PPP6R3: variants seen among roughly 807,000 people sequenced by gnomAD.
PPP6R3 encodes the protein serine/threonine-protein phosphatase 6 regulatory subunit 3.
PPP6R3 carries 38 observed loss-of-function variants against 110.7 expected under a neutral mutation model. The ratio of observed to expected loss-of-function variants is 0.34; its 90% CI spans 0.26 to 0.45. The LOEUF (loss-of-function observed/expected upper bound fraction) is 0.45, where lower values mean the gene tolerates loss of function less well. Ranked by LOEUF, PPP6R3 falls within the 20% of genes least tolerant of loss-of-function variation. The probability of loss-of-function intolerance (pLI) is 1.00; values close to 1 mark genes in which losing one functional copy is unlikely to be tolerated. For missense variants in PPP6R3, 870 were observed against 1,062.4 expected, an observed-to-expected ratio of 0.82 and a Z score of 2.52; for synonymous variants, 369 against 373.5, an observed-to-expected ratio of 0.99 and a Z score of 0.14.
At chr11:68,478,354 T>C (rs2098852367) in intron 1 of PPP6R3, among the ~76,000 whole-genome samples, 1 of 152,220 alleles carries the variant, frequency 6.6e-6, no homozygotes, top group Non-Finnish European at 1.5e-5. Context: ...GTTAAGAATT[T>C]TAAACCTTCC....
At chr11:68,594,285 AGAGAGAG>A (rs1400988393) in intron 18 of PPP6R3, among the ~76,000 whole-genome samples, 29 of 146,604 alleles carry the variant, frequency 2.0e-4, no homozygotes, top group African/African-American at 5.1e-4. Context: ...AGAGAGAGAG[AGAGAGAG>A]GAGAGAGGAG....
chr11:68,483,576 A>G (rs1483120200), intron 1 of PPP6R3, among the ~76,000 whole-genome samples: 2 of 151,950 alleles, frequency 1.3e-5, no homozygotes, highest in African/African-American at 2.4e-5. Flanking sequence ...TCCGCCTCTC[A>G]GGTTCGAGTT....
intron 1 of PPP6R3, among the ~76,000 whole-genome samples, chr11:68,462,386 G>C (rs774996898): frequency 7.2e-5 from 11 of 152,154 alleles, no homozygotes; most frequent in Non-Finnish European, 1.3e-4. Flanking sequence ...ATTTACCGGA[G>C]TAATTAATGA....
intron 7 of PPP6R3, among the ~76,000 whole-genome samples, chr11:68,555,616 G>A (rs2099396286): frequency 6.6e-6 from 1 of 152,138 alleles, no homozygotes. Context: ...CAAGCCTTCC[G>A]TCCACACAGC....
At position 68,606,607 on chromosome 11, in the gene PPP6R3, C is replaced by T. The variant is rs191096076; in HGVS notation, c.2450+3115C>T. ...CTGGGATTACAGATGTGAGCCACCG[C>T]GCCTGGCAATGAATTTCATTAACTT... On this transcript the variant is annotated intron_variant, in intron 22 of 23. Transcript: ENST00000393800. Among the ~76,000 whole-genome samples, 30 of 152,000 alleles carry T rather than the reference C, an allele frequency of 2.0e-4. No homozygotes were observed. In the South Asian group the frequency reaches 2.7e-3, roughly 14 times the overall value.
chr11:68,462,128 C>T (rs2098712513), intron 1 of PPP6R3, among the ~76,000 whole-genome samples: 2 of 152,162 alleles, frequency 1.3e-5, no homozygotes, highest in Non-Finnish European at 2.9e-5. Context: ...AGAGCTGTGC[C>T]TGGCACATAC....
chr11:68,613,615 T>C lies in PPP6R3; in HGVS notation c.*498T>C, dbSNP rs755684639. On this transcript the variant is annotated 3_prime_UTR_variant, in exon 24 of 24. Transcript: ENST00000393800. The stretch of plus-strand genomic sequence containing the variant: ...GAATGAAAATGCCCTCTAAGTGTTA[T>C]TTTGGTTGTTCTAACTTACAAAAGT... 1.0e-6 allele frequency: 1 copy of C among 985,922 alleles called. No individual in the cohort carries two copies. Among genetic ancestry groups the C allele is most frequent in the Middle Eastern group, 5.2e-4 (1 of 1,914 alleles). 61.1% of individuals were successfully genotyped at this position (985,922 alleles called of 1,614,324 possible).
intron 2 of PPP6R3, among the ~76,000 whole-genome samples, chr11:68,522,343 T>C (rs1275174512): frequency 6.6e-6 from 1 of 152,254 alleles, no homozygotes; most frequent in Non-Finnish European, 1.5e-5. Flanking sequence ...ATGAAGCAGC[T>C]TGACCTTCCT....
intron 1 of PPP6R3, among the ~76,000 whole-genome samples, chr11:68,475,635 T>C (rs2098824569): frequency 7.1e-6 from 1 of 141,564 alleles, no homozygotes; most frequent in African/African-American, 2.7e-5. Flanking sequence ...GGGTGGGGGC[T>C]GCCCCCCACC....
At position 68,496,882 on chromosome 11, in the gene PPP6R3, G is replaced by GA. The variant is rs1162326617; in HGVS notation, c.-157-22618dup. Among the ~76,000 whole-genome samples the GA allele has an allele frequency of 6.2e-3, 494 of 80,074 alleles. 11 individuals are homozygous for GA. The highest frequency in any genetic ancestry group is 0.023 in the African/African-American group (472 of 20,456). 52.5% of individuals were successfully genotyped at this position (80,074 alleles called of 152,430 possible). On this transcript the variant is annotated intron_variant, in intron 1 of 23. Transcript: ENST00000393800. ...TTTTTTTTTTTTTTTTTTTTTTTGA[G>GA]ACAGAGTCTTGCTCTGTTGCCCAGG...
chr11:68,553,958 T>G (rs762512673), intron 6 of PPP6R3, among the ~76,000 whole-genome samples, 187 bp from the exon 7 acceptor site: 1 of 152,238 alleles, frequency 6.6e-6, no homozygotes, highest in Non-Finnish European at 1.5e-5. Context: ...TGCACTATTA[T>G]AAAGCTCATT....
chr11:68,608,657 A>G (rs1404218463), intron 22 of PPP6R3, among the ~76,000 whole-genome samples: 3 of 152,204 alleles, frequency 2.0e-5, no homozygotes, highest in Non-Finnish European at 4.4e-5. Context: ...GGTTGGGAGA[A>G]GCCATGTAGA....
At position 68,579,522 on chromosome 11, in the gene PPP6R3, G is replaced by A. The variant is rs537755396; in HGVS notation, c.1545+3479G>A. Among the ~76,000 whole-genome samples, 14 of 152,280 alleles carry A rather than the reference G, an allele frequency of 9.2e-5. No individual in the cohort carries two copies. The East Asian group carries it at 2.7e-3, about 29-fold the overall frequency. On this transcript the variant is annotated intron_variant, in intron 14 of 23. Coordinates refer to ENST00000393800, the MANE Select transcript of PPP6R3 (RefSeq NM_001164161.2). ...ATTTGTTTATATTCAGTGATTATTA[G>A]TATTCATTAATTCAGTAAATATTTG...
intron 7 of PPP6R3, among the ~76,000 whole-genome samples, chr11:68,556,426 T>C (rs1050285471): frequency 3.3e-5 from 5 of 152,218 alleles, no homozygotes; most frequent in Middle Eastern, 3.4e-3. Flanking sequence ...AAAACAGTTA[T>C]GTTAGAATAG....
At chr11:68,486,037 A>G (rs2098944940) in intron 1 of PPP6R3, among the ~76,000 whole-genome samples, 5 of 151,384 alleles carry the variant, frequency 3.3e-5, no homozygotes, top group Admixed American at 3.3e-4. Flanking sequence ...AAAAAGCTAC[A>G]CCTAATTTTT....
chr11:68,486,101 G>A (rs1480625296), intron 1 of PPP6R3, among the ~76,000 whole-genome samples: 1 of 151,284 alleles, frequency 6.6e-6, no homozygotes, highest in Non-Finnish European at 1.5e-5. Context: ...CTTAAATACG[G>A]GATAAATATT....
intron 2 of PPP6R3, among the ~76,000 whole-genome samples, chr11:68,530,626 G>C (rs984899877): frequency 6.6e-6 from 1 of 152,208 alleles, no homozygotes. Flanking sequence ...AAAAGGTATA[G>C]ACAGAGCTGG....
rs117779127 is a variant in PPP6R3, at chr11:68,532,684, A to G, written c.-6-4975A>G. On this transcript the variant is annotated intron_variant, in intron 2 of 23. Transcript: ENST00000393800. ...TACCTAATGACTGATATGAATGATT[A>G]GTTTGGGGGGATTCTTTAAGGTGAT... Among the ~76,000 whole-genome samples, 1,124 of 152,314 alleles carry G rather than the reference A, an allele frequency of 7.4e-3. 8 individuals are homozygous for G. Among genetic ancestry groups the G allele is most frequent in the Non-Finnish European group, 0.011 (771 of 68,028 alleles).
chr11:68,547,842 A>G (rs1397443152), intron 4 of PPP6R3, among the ~76,000 whole-genome samples: 1 of 140,432 alleles, frequency 7.1e-6, no homozygotes, highest in Non-Finnish European at 1.6e-5. Flanking sequence ...TTGTATTTGT[A>G]TTAATGGACG....
Sources: gnomAD v4.1 joint callset for allele counts (sites outside exome capture counted in the v4.1 genomes callset) on GRCh38, gnomAD v4.1.1 for gene constraint, MANE v1.5 for transcripts, NCBI Gene and HGNC (gene_info 2026-07-23, HGNC 2026-07-21) for gene names.